The following TUSC3 variants were observed in gnomAD, a reference collection of about 807,000 sequenced individuals.
TUSC3 encodes the protein dolichyl-diphosphooligosaccharide--protein glycosyltransferase subunit TUSC3.
In TUSC3, 45 loss-of-function variants were observed where a neutral mutation model predicts 44.8. The ratio of observed to expected loss-of-function variants is 1.00; its 90% CI spans 0.79 to 1.29. The LOEUF is 1.29. Ranked by LOEUF, TUSC3 falls within the 50% of genes most tolerant of loss-of-function variation. The probability of loss-of-function intolerance (pLI) is 0.00; values close to 1 mark genes in which losing one functional copy is unlikely to be tolerated. For missense variants in TUSC3, 519 were observed against 437.9 expected, an observed-to-expected ratio of 1.19 and a Z score of -1.65; for synonymous variants, 212 against 152.9, an observed-to-expected ratio of 1.39 and a Z score of -2.85.
intron 1 of TUSC3, among the ~76,000 whole-genome samples, chr8:15,543,555 A>G (rs905998987): frequency 3.3e-5 from 5 of 152,156 alleles, no homozygotes; most frequent in African/African-American, 9.7e-5. Context: ...GGTATTATGT[A>G]TACATGTATG....
intron 2 of TUSC3, among the ~76,000 whole-genome samples, chr8:15,514,645 C>T (rs1278150917): frequency 1.3e-5 from 2 of 152,122 alleles, no homozygotes; most frequent in African/African-American, 2.4e-5. Context: ...ATGGAAGAGC[C>T]TACTACATTT....
At chr8:15,546,116 A>G (rs1287271116) in intron 1 of TUSC3, among the ~76,000 whole-genome samples, 1 of 151,786 alleles carries the variant, frequency 6.6e-6, no homozygotes, top group Non-Finnish European at 1.5e-5. Flanking sequence ...ACATATTTGC[A>G]TGTGTGTATG....
At chr8:15,520,671 C>T (rs1801284931) in intron 2 of TUSC3, among the ~76,000 whole-genome samples, 1 of 152,162 alleles carries the variant, frequency 6.6e-6, no homozygotes, top group Non-Finnish European at 1.5e-5. Context: ...TTAACTCCTC[C>T]ATAGTTTTCC....
At chr8:15,815,562 G>A in the TUSC3 span, among the ~76,000 whole-genome samples, 1 of 152,082 alleles carries the variant, frequency 6.6e-6, no homozygotes, top group African/African-American at 2.4e-5. Context: ...AGAAAGGAGA[G>A]ACAGAGGAAG....
chr8:15,849,320 T>A, the TUSC3 span, among the ~76,000 whole-genome samples: 1 of 152,142 alleles, frequency 6.6e-6, no homozygotes, highest in Admixed American at 6.6e-5. Context: ...AACCAAACAT[T>A]TAGAGTCACA....
chr8:15,756,971 C>G (rs1231237926), intron 9 of TUSC3, among the ~76,000 whole-genome samples: 1 of 152,082 alleles, frequency 6.6e-6, no homozygotes, highest in Non-Finnish European at 1.5e-5. Context: ...GGTGTCTCTA[C>G]AAAAAATTTA....
At chr8:15,573,028 C>G (rs1006159798) in intron 1 of TUSC3, among the ~76,000 whole-genome samples, 7 of 151,778 alleles carry the variant, frequency 4.6e-5, no homozygotes, top group African/African-American at 1.7e-4. Flanking sequence ...AAAAATGACA[C>G]CCATAGAGTT....
intron 6 of TUSC3, among the ~76,000 whole-genome samples, chr8:15,693,976 T>C (rs1394564697): frequency 6.6e-6 from 1 of 152,134 alleles, no homozygotes; most frequent in Non-Finnish European, 1.5e-5. Flanking sequence ...GTTTTTCAGC[T>C]CTATCAGCTC....
At chr8:15,506,815 C>T (rs906697369) in intron 2 of TUSC3, among the ~76,000 whole-genome samples, 1 of 152,132 alleles carries the variant, frequency 6.6e-6, no homozygotes, top group African/African-American at 2.4e-5. Context: ...CAAACCAAAT[C>T]ACAGCCATTC....
chr8:15,650,860 G>C (rs767720021), intron 3 of TUSC3, 46 bp downstream of exon 3: 3 of 1,574,354 alleles, frequency 1.9e-6, no homozygotes, highest in Non-Finnish European at 8.7e-7. Flanking sequence ...GTTGTTTGTG[G>C]TCGATACATT....
chr8:15,542,642 G>T (rs1353410250), intron 1 of TUSC3, among the ~76,000 whole-genome samples: 1 of 152,062 alleles, frequency 6.6e-6, no homozygotes, highest in Non-Finnish European at 1.5e-5. Flanking sequence ...ACTTTAATAT[G>T]TGAAAACATT....
chr8:15,690,657 A>T (rs1033322442), intron 6 of TUSC3, among the ~76,000 whole-genome samples: 6 of 152,108 alleles, frequency 3.9e-5, no homozygotes, highest in Non-Finnish European at 8.8e-5. Context: ...TATTTCATCC[A>T]TCTTGAGTTG....
chr8:15,769,224 CAG>C (rs1345090660), downstream of TUSC3, among the ~76,000 whole-genome samples: 3 of 152,076 alleles, frequency 2.0e-5, no homozygotes, highest in Admixed American at 6.6e-5. Context: ...GGTATGAAAA[CAG>C]ATATATAGAC....
At chr8:15,423,969 G>GTTTTTGT (rs1563247134) in intron 1 of TUSC3, among the ~76,000 whole-genome samples, 2 of 70,362 alleles carry the variant, frequency 2.8e-5, no homozygotes, top group Non-Finnish European at 6.3e-5. Flanking sequence ...GTTTTGCTTT[G>GTTTTTGT]TTTTTTTTTT....
intron 6 of TUSC3, among the ~76,000 whole-genome samples, chr8:15,692,489 G>A (rs1311170859): frequency 7.0e-6 from 1 of 142,816 alleles, no homozygotes; most frequent in South Asian, 2.3e-4. Flanking sequence ...GCTTTTTCTT[G>A]TTGTTAGGCT....
At chr8:15,541,883 T>C (rs1363253751) in intron 1 of TUSC3, among the ~76,000 whole-genome samples, 1 of 128,988 alleles carries the variant, frequency 7.8e-6, no homozygotes, top group Non-Finnish European at 1.9e-5. Context: ...CAATAAAAGA[T>C]GATGAAGAAC....
At chr8:15,693,593 T>C (rs376292862) in intron 6 of TUSC3, among the ~76,000 whole-genome samples, 1 of 151,980 alleles carries the variant, frequency 6.6e-6, no homozygotes, top group African/African-American at 2.4e-5. Context: ...TTTTTTCCTT[T>C]CATTTTGACC....
chr8:15,529,236 C>A (rs937666230), intron 2 of TUSC3, among the ~76,000 whole-genome samples: 1 of 152,096 alleles, frequency 6.6e-6, no homozygotes, highest in Non-Finnish European at 1.5e-5. Context: ...CTAAGCAATT[C>A]CCTAATACTG....
intron 6 of TUSC3, among the ~76,000 whole-genome samples, chr8:15,709,137 T>G (rs186922379): frequency 6.6e-6 from 1 of 151,866 alleles, no homozygotes; most frequent in Non-Finnish European, 1.5e-5. Flanking sequence ...AAATGTTAGA[T>G]TATATTATGT....
Sources: gnomAD v4.1 joint callset for allele counts (sites outside exome capture counted in the v4.1 genomes callset) on GRCh38, gnomAD v4.1.1 for gene constraint, MANE v1.5 for transcripts, NCBI Gene and HGNC (gene_info 2026-07-23, HGNC 2026-07-21) for gene names.